The following CTNNA2 variants were observed in gnomAD, a reference collection of about 807,000 sequenced individuals.
CTNNA2 encodes the protein catenin alpha 2.
In CTNNA2, 42 loss-of-function variants were observed where a neutral mutation model predicts 101.0. The observed-to-expected ratio is 0.42, with a 90% CI of 0.32 to 0.54. The LOEUF (loss-of-function observed/expected upper bound fraction) is 0.54. Among genes scored for constraint, CTNNA2 ranks in the 20% least tolerant of loss-of-function variants. The pLI is 0.14. For synonymous variants in CTNNA2, 450 were observed against 456.4 expected, an observed-to-expected ratio of 0.99 and a Z score of 0.18; for missense variants, 871 against 1,223.1, an observed-to-expected ratio of 0.71 and a Z score of 4.29.
intron 4 of CTNNA2, among the ~76,000 whole-genome samples, chr2:79,447,202 T>C (rs767985670): frequency 3.3e-5 from 5 of 151,962 alleles, no homozygotes; most frequent in Non-Finnish European, 5.9e-5. Context: ...TGAGCTTTGT[T>C]TTTCTCCTAG....
At chr2:79,330,836 C>T (rs1016375024) in intron 3 of CTNNA2, among the ~76,000 whole-genome samples, 1 of 152,138 alleles carries the variant, frequency 6.6e-6, no homozygotes, top group African/African-American at 2.4e-5. Flanking sequence ...AACTGTAAGT[C>T]AATTAAACCT....
intron 7 of CTNNA2, among the ~76,000 whole-genome samples, chr2:80,072,507 C>T (rs983301264): frequency 2.0e-5 from 3 of 152,134 alleles, no homozygotes; most frequent in African/African-American, 7.2e-5. Flanking sequence ...CTCTGTTTCT[C>T]CTGTCACATA....
At chr2:80,370,254 G>C (rs1047882878) in intron 7 of CTNNA2, among the ~76,000 whole-genome samples, 1 of 82,400 alleles carries the variant, frequency 1.2e-5, no homozygotes, top group Non-Finnish European at 2.5e-5. Flanking sequence ...TATTTGAGTG[G>C]TGTGTGTGTG....
At chr2:79,462,354 G>C (rs560313948) in intron 4 of CTNNA2, among the ~76,000 whole-genome samples, 1 of 152,350 alleles carries the variant, frequency 6.6e-6, no homozygotes, top group African/African-American at 2.4e-5. Context: ...TTCAAAGAAA[G>C]AGTGTTCTAG....
At chr2:80,606,367 AACACACACACACACACAC>A (rs67402125) in intron 16 of CTNNA2, among the ~76,000 whole-genome samples, 8 of 137,510 alleles carry the variant, frequency 5.8e-5, no homozygotes, top group East Asian at 4.3e-4. Context: ...AAACACATCA[AACACACACACACACACAC>A]ACACACACAC....
chr2:79,903,436 T>C (rs1043432396), intron 6 of CTNNA2, among the ~76,000 whole-genome samples: 4 of 152,110 alleles, frequency 2.6e-5, no homozygotes, highest in African/African-American at 9.7e-5. Context: ...TTAAGATCTC[T>C]GATGATTCAT....
intron 8 of CTNNA2, among the ~76,000 whole-genome samples, chr2:80,402,888 A>G (rs1179251728): frequency 6.6e-6 from 1 of 151,282 alleles, no homozygotes; most frequent in Admixed American, 6.6e-5. Context: ...GAATGGTCTG[A>G]TTGTTCACTG....
rs199560086 is a variant in CTNNA2 at position 79,951,710 on chromosome 2, AAAT to A, written c.1056+41916_1056+41918del. 2.6e-4 allele frequency among the ~76,000 whole-genome samples: 39 copies of A among 152,064 alleles called. No individual in the cohort carries two copies. The East Asian group carries it at 7.6e-3, about 30-fold the overall frequency. On this transcript the variant is annotated intron_variant, in intron 7 of 18. Coordinates refer to ENST00000402739, the MANE Select transcript of CTNNA2 (RefSeq NM_001282597.3). ...AGTTAAAATAAAATAAAATAAAATAAAATAAGTACCCATAAAAGCATCTTTGTT... is the reference window on the plus strand; with the variant it reads ...AGTTAAAATAAAATAAAATAAAATAAAAGTACCCATAAAAGCATCTTTGTT...
chr2:80,282,178 A>G (rs551865404), intron 7 of CTNNA2, among the ~76,000 whole-genome samples: 80 of 152,296 alleles, frequency 5.3e-4, no homozygotes, highest in Admixed American at 9.2e-4. Flanking sequence ...AAGGCAGCTT[A>G]GACAAATCCC....
At chr2:80,421,505 G>A (rs1680524785) in intron 9 of CTNNA2, among the ~76,000 whole-genome samples, 1 of 152,070 alleles carries the variant, frequency 6.6e-6, no homozygotes, top group Non-Finnish European at 1.5e-5. Flanking sequence ...GACAGGCGCT[G>A]GACACATCCA....
intron 3 of CTNNA2, among the ~76,000 whole-genome samples, chr2:79,764,316 G>T (rs1558909060): frequency 6.6e-6 from 1 of 152,076 alleles, no homozygotes; most frequent in Non-Finnish European, 1.5e-5. Flanking sequence ...TATTTTAGCT[G>T]TATATTTCCT....
At chr2:79,619,717 A>G (rs1024189584) in intron 1 of CTNNA2, among the ~76,000 whole-genome samples, 2 of 152,190 alleles carry the variant, frequency 1.3e-5, no homozygotes, top group Non-Finnish European at 1.5e-5. Flanking sequence ...CTCATATTAA[A>G]TGGCTCAGAC....
intron 7 of CTNNA2, among the ~76,000 whole-genome samples, chr2:80,096,671 T>G (rs1389521089): frequency 1.3e-5 from 2 of 152,250 alleles, no homozygotes; most frequent in Non-Finnish European, 2.9e-5. Context: ...AAGGACTTGC[T>G]TTATGAATCT....
At chr2:79,844,482 G>T (rs1201509329) in intron 3 of CTNNA2, among the ~76,000 whole-genome samples, 1 of 152,066 alleles carries the variant, frequency 6.6e-6, no homozygotes, top group Admixed American at 6.5e-5. Context: ...ACATTATTTT[G>T]TCTGAGTTAG....
At chr2:80,310,972 C>CA (rs3040535) in intron 7 of CTNNA2, among the ~76,000 whole-genome samples, 18,799 of 95,960 alleles carry the variant, frequency 0.2, 1,549 homozygotes, top group South Asian at 0.23. Context: ...GACTCCATCT[C>CA]AAAAAAAAAA....
At chr2:80,520,060 C>T (rs139552431) in intron 9 of CTNNA2, among the ~76,000 whole-genome samples, 26 of 152,222 alleles carry the variant, frequency 1.7e-4, no homozygotes, top group Admixed American at 3.3e-4. Context: ...TGGAACACCC[C>T]CTGTGTTTCC....
chr2:80,309,550 A>G (rs574012660), intron 7 of CTNNA2, among the ~76,000 whole-genome samples: 1 of 152,294 alleles, frequency 6.6e-6, no homozygotes, highest in South Asian at 2.1e-4. Context: ...TTTAATCGGT[A>G]TAACCCTATA....
chr2:80,224,563 G>C (rs544706107), intron 7 of CTNNA2, among the ~76,000 whole-genome samples: 23 of 152,128 alleles, frequency 1.5e-4, no homozygotes, highest in African/African-American at 5.5e-4. Flanking sequence ...TCCTGCCTCA[G>C]CCTCCCAAGT....
intron 7 of CTNNA2, among the ~76,000 whole-genome samples, chr2:80,009,414 G>T (rs965226168): frequency 1.3e-5 from 2 of 152,032 alleles, no homozygotes; most frequent in East Asian, 3.9e-4. Context: ...TTCACAGCTC[G>T]CAAGTCATTG....
Sources: allele counts gnomAD v4.1 joint callset (sites outside exome capture counted in the v4.1 genomes callset), GRCh38; gene constraint gnomAD v4.1.1; transcripts MANE v1.5; gene names NCBI Gene and HGNC (gene_info 2026-07-23, HGNC 2026-07-21).